DLG2: variants seen among roughly 807,000 people sequenced by gnomAD.
DLG2 encodes disks large homolog 2.
Under a neutral mutation model 132.5 loss-of-function variants are expected in DLG2, and 45 were observed. The observed-to-expected ratio is 0.34, with a 90% CI of 0.27 to 0.44. The LOEUF is 0.44. Ranked by LOEUF, DLG2 falls within the 20% of genes least tolerant of loss-of-function variation. The pLI is 1.00. For synonymous variants in DLG2, 424 were observed against 419.6 expected, an observed-to-expected ratio of 1.01 and a Z score of -0.13; for missense variants, 1,045 against 1,196.9, an observed-to-expected ratio of 0.87 and a Z score of 1.87.
chr11:85,400,588 A>G (rs956844142), intron 3 of DLG2, among the ~76,000 whole-genome samples: 8 of 146,212 alleles, frequency 5.5e-5, no homozygotes, highest in African/African-American at 2.0e-4. Context: ...TACACCATGG[A>G]ATACTATGCA....
intron 14 of DLG2, among the ~76,000 whole-genome samples, chr11:83,954,135 G>A (rs12287463): frequency 0.1 from 15,273 of 151,990 alleles, 828 homozygotes; most frequent in Non-Finnish European, 0.12. Flanking sequence ...TATAGGAGCC[G>A]GTTTTAAATT....
chr11:83,553,805 G>T lies in DLG2; in HGVS notation c.1941-11947C>A, dbSNP rs560805025. Among the ~76,000 whole-genome samples, 12 of 151,856 alleles carry T rather than the reference G, an allele frequency of 7.9e-5. No homozygotes were observed. In the South Asian group the frequency reaches 2.5e-3, roughly 32 times the overall value. ...AAATTTAGAGGAAAAAACCTAAAGA[G>T]ATCCAGTACATTATGTTTATACTTT... On this transcript the variant is annotated intron_variant, in intron 19 of 27. Coordinates refer to ENST00000376104, the MANE Select transcript of DLG2 (RefSeq NM_001142699.3).
chr11:84,024,261 T>G (rs536149645), intron 11 of DLG2, among the ~76,000 whole-genome samples: 2 of 152,230 alleles, frequency 1.3e-5, no homozygotes, highest in African/African-American at 2.4e-5. Flanking sequence ...GTTAATAATC[T>G]CAGAAACACA....
intron 8 of DLG2, among the ~76,000 whole-genome samples, chr11:84,212,666 T>A (rs1015758659): frequency 1.3e-5 from 2 of 152,204 alleles, no homozygotes; most frequent in African/African-American, 4.8e-5. Flanking sequence ...GTACTTACTT[T>A]CACTTTTTTT....
At chr11:83,867,427 T>C (rs904138124) in intron 16 of DLG2, among the ~76,000 whole-genome samples, 3 of 152,198 alleles carry the variant, frequency 2.0e-5, no homozygotes, top group Non-Finnish European at 4.4e-5. Flanking sequence ...AATATTCTTT[T>C]TGAACTTTAG....
At chr11:83,484,381 T>G (rs2093360606) in intron 21 of DLG2, among the ~76,000 whole-genome samples, 153 bp from the exon 22 acceptor site, 1 of 152,146 alleles carries the variant, frequency 6.6e-6, no homozygotes, top group African/African-American at 2.4e-5. Flanking sequence ...TAAAGGTCGA[T>G]TTTATTTTCA....
chr11:85,233,696 A>ATTTT (rs547235876), intron 4 of DLG2, among the ~76,000 whole-genome samples: 71 of 131,364 alleles, frequency 5.4e-4, no homozygotes, highest in African/African-American at 1.9e-3. Flanking sequence ...TGGATCCTTA[A>ATTTT]TTTTTTTTTT....
chr11:83,754,556 G>A (rs1028202771), intron 18 of DLG2, among the ~76,000 whole-genome samples: 29 of 151,346 alleles, frequency 1.9e-4, no homozygotes, highest in Admixed American at 1.1e-3. Flanking sequence ...TATCCTTACT[G>A]ACAGTAAATA....
intron 4 of DLG2, among the ~76,000 whole-genome samples, chr11:85,170,471 T>C (rs1172715744): frequency 6.6e-6 from 1 of 152,066 alleles, no homozygotes; most frequent in South Asian, 2.1e-4. Context: ...ATGACTCAGC[T>C]TGGGCAGGAA....
intron 15 of DLG2, among the ~76,000 whole-genome samples, chr11:83,895,701 C>T (rs988798014): frequency 2.0e-5 from 3 of 152,188 alleles, no homozygotes; most frequent in African/African-American, 7.2e-5. Flanking sequence ...TTCTTCAGGA[C>T]TTATCTCATG....
chr11:84,059,386 C>T lies in DLG2; in HGVS notation c.848G>A (p.Arg283Gln), dbSNP rs756739930. ...EALKEAGSIV[R>Q]LYVRRRRPIL... Reference sequence around the variant, plus strand: ...AGGTCGTCTTCTACGCACATACAGCCGAACGATAGACCCTGCTTCCTTCAG... The same window carrying T: ...AGGTCGTCTTCTACGCACATACAGCTGAACGATAGACCCTGCTTCCTTCAG... Residue 283 changes from arginine (R) to glutamine (Q), a missense_variant, in exon 11 of 28, where the codon CGG (arginine) becomes CAG (glutamine). Physicochemically the swap from Arg to Gln is conservative, Grantham distance 43. Coordinates refer to ENST00000376104, the MANE Select transcript of DLG2 (RefSeq NM_001142699.3). 12 of 1,613,412 alleles carry T rather than the reference C, an allele frequency of 7.4e-6. No individual in the cohort carries two copies. Among genetic ancestry groups the T allele is most frequent in the South Asian group, 2.2e-5 (2 of 90,978 alleles).
chr11:85,190,585 T>C (rs904596346), intron 4 of DLG2, among the ~76,000 whole-genome samples: 1 of 152,024 alleles, frequency 6.6e-6, no homozygotes, highest in Non-Finnish European at 1.5e-5. Flanking sequence ...GTTGGTTTTC[T>C]GAAAAAATAA....
chr11:84,740,161 C>T (rs953247885), intron 6 of DLG2, among the ~76,000 whole-genome samples: 2 of 151,720 alleles, frequency 1.3e-5, no homozygotes, highest in African/African-American at 4.8e-5. Flanking sequence ...ACTGGAGTGC[C>T]AAAGGGAAAT....
intron 6 of DLG2, chr11:84,720,209 C>T: frequency 1.1e-6 from 1 of 945,718 alleles, no homozygotes; most frequent in Non-Finnish European, 1.3e-6. Context: ...ACTCTCCCAA[C>T]AGGCAGACAT....
intron 6 of DLG2, among the ~76,000 whole-genome samples, chr11:84,791,507 T>C (rs7941683): frequency 0.12 from 18,118 of 152,236 alleles, 1,217 homozygotes; most frequent in African/African-American, 0.16. Flanking sequence ...AGGGATTGCA[T>C]TGAATCTGTA....
intron 3 of DLG2, among the ~76,000 whole-genome samples, chr11:85,416,960 C>A (rs921487708): frequency 1.3e-5 from 2 of 152,256 alleles, no homozygotes; most frequent in African/African-American, 2.4e-5. Context: ...ATTGCCCTGG[C>A]CAGAACTTCC....
chr11:83,636,218 C>T (rs963398131), intron 18 of DLG2, among the ~76,000 whole-genome samples: 2 of 152,190 alleles, frequency 1.3e-5, no homozygotes, highest in African/African-American at 4.8e-5. Flanking sequence ...TTGCATTCAT[C>T]ACACCAACTT....
At chr11:84,340,927 T>C (rs772895198) in intron 7 of DLG2, among the ~76,000 whole-genome samples, 2 of 152,080 alleles carry the variant, frequency 1.3e-5, no homozygotes, top group Admixed American at 6.5e-5. Flanking sequence ...ATCAGCATGA[T>C]TGAAGGAGAG....
chr11:85,162,431 C>T (rs1165297281), intron 4 of DLG2, among the ~76,000 whole-genome samples: 1 of 152,170 alleles, frequency 6.6e-6, no homozygotes, highest in Admixed American at 6.5e-5. Flanking sequence ...GAGGTGCTTG[C>T]TGAAGGCAAA....
Sources: allele counts gnomAD v4.1 joint callset (sites outside exome capture counted in the v4.1 genomes callset), GRCh38; gene constraint gnomAD v4.1.1; transcripts MANE v1.5; gene names NCBI Gene and HGNC (gene_info 2026-07-23, HGNC 2026-07-21).